TENM2: variants seen among roughly 807,000 people sequenced by gnomAD.
TENM2 encodes the protein teneurin transmembrane protein 2, also known as teneurin-2.
In TENM2, 52 loss-of-function variants were observed where a neutral mutation model predicts 245.2. The ratio of observed to expected loss-of-function variants is 0.21; its 90% CI spans 0.17 to 0.27. The LOEUF (loss-of-function observed/expected upper bound fraction) is 0.27. Ranked by LOEUF, TENM2 falls within the 10% of genes least tolerant of loss-of-function variation. TENM2 has a pLI of 1.00. For missense variants in TENM2, 3,046 were observed against 3,666.8 expected, an observed-to-expected ratio of 0.83 and a Z score of 4.37; for synonymous variants, 1,363 against 1,438.9, an observed-to-expected ratio of 0.95 and a Z score of 1.19.
At chr5:167,160,254 A>C in the TENM2 span, among the ~76,000 whole-genome samples, 2 of 152,354 alleles carry the variant, frequency 1.3e-5, no homozygotes, top group African/African-American at 4.8e-5. Flanking sequence ...GATAACGCCA[A>C]GCCAGCATCC....
At chr5:167,846,346 C>G (rs1770038424) in intron 2 of TENM2, among the ~76,000 whole-genome samples, 1 of 152,202 alleles carries the variant, frequency 6.6e-6, no homozygotes. Flanking sequence ...GTGCTCAGTC[C>G]AGAGTTCCCA....
the TENM2 span, among the ~76,000 whole-genome samples, chr5:167,129,795 A>G: frequency 1.3e-5 from 2 of 152,170 alleles, no homozygotes; most frequent in Non-Finnish European, 2.9e-5. Context: ...ACCCACAAAG[A>G]TTTACAGAAT....
intron 2 of TENM2, among the ~76,000 whole-genome samples, chr5:167,591,745 T>C (rs975447455): frequency 9.2e-5 from 14 of 152,212 alleles, no homozygotes; most frequent in Non-Finnish European, 1.2e-4. Context: ...AAAGGATGCG[T>C]ATATAAAGCC....
rs561320432 is a variant in TENM2 at position 167,871,402 on chromosome 5, C to T, written c.503-4584C>T. 2.5e-3 allele frequency among the ~76,000 whole-genome samples: 364 copies of T among 147,168 alleles called. 1 individual carries two copies. The highest frequency in any genetic ancestry group is 1.3e-3 in the Non-Finnish European group (85 of 67,226). Reference sequence around the variant, plus strand: ...TCAGAGTTAGCACAAAACTGGCTATCGGTACTTTAATCAGGAAAAAAAAAA... The same window carrying T: ...TCAGAGTTAGCACAAAACTGGCTATTGGTACTTTAATCAGGAAAAAAAAAA... On this transcript the variant is annotated intron_variant, in intron 2 of 28. Coordinates refer to ENST00000518659, the Ensembl canonical transcript of TENM2.
At chr5:167,927,544 G>T (rs1484888922) in intron 3 of TENM2, among the ~76,000 whole-genome samples, 2 of 152,168 alleles carry the variant, frequency 1.3e-5, no homozygotes, top group African/African-American at 4.8e-5. Context: ...TTATTTTTAT[G>T]CCAATCCATA....
chr5:167,896,270 G>A (rs2151489736), intron 3 of TENM2, among the ~76,000 whole-genome samples: 1 of 152,316 alleles, frequency 6.6e-6, no homozygotes, highest in African/African-American at 2.4e-5. Flanking sequence ...GGCTTGGAGA[G>A]ACGAGAAAAC....
intron 2 of TENM2, among the ~76,000 whole-genome samples, chr5:167,523,949 C>T (rs766039868): frequency 1.3e-5 from 2 of 152,086 alleles, no homozygotes; most frequent in Non-Finnish European, 2.9e-5. Flanking sequence ...AATTCAAAGT[C>T]GTAAATGTGG....
intron 2 of TENM2, among the ~76,000 whole-genome samples, chr5:167,561,771 T>C (rs1773606741): frequency 6.6e-6 from 1 of 152,170 alleles, no homozygotes. Context: ...GAGACCACAT[T>C]TACATCTTTT....
At chr5:167,793,664 G>A (rs1384855443) in intron 2 of TENM2, among the ~76,000 whole-genome samples, 2 of 150,106 alleles carry the variant, frequency 1.3e-5, no homozygotes, top group South Asian at 2.1e-4. Flanking sequence ...GTGAAACCCC[G>A]TCTCCACCAA....
intron 1 of TENM2, among the ~76,000 whole-genome samples, chr5:167,301,551 G>T (rs1236793911): frequency 2.0e-5 from 3 of 152,188 alleles, no homozygotes; most frequent in Admixed American, 6.5e-5. Flanking sequence ...AAGTCCTGTT[G>T]TGGGGTTGGA....
intron 2 of TENM2, among the ~76,000 whole-genome samples, chr5:167,815,804 A>G (rs1767004147): frequency 6.6e-6 from 1 of 152,084 alleles, no homozygotes; most frequent in African/African-American, 2.4e-5. Context: ...TAATGGATCC[A>G]TATAGATGAG....
intron 1 of TENM2, among the ~76,000 whole-genome samples, chr5:167,306,907 T>G (rs1755712501): frequency 6.6e-6 from 1 of 152,224 alleles, no homozygotes; most frequent in African/African-American, 2.4e-5. Context: ...ATCATCACTC[T>G]GCTAAGGACA....
intron 2 of TENM2, among the ~76,000 whole-genome samples, chr5:167,594,582 T>C (rs1441733968): frequency 6.6e-6 from 1 of 152,228 alleles, no homozygotes; most frequent in Non-Finnish European, 1.5e-5. Flanking sequence ...TAAATTACAA[T>C]GTTTTTATTT....
At chr5:167,452,323 C>G (rs1395374019) in intron 2 of TENM2, among the ~76,000 whole-genome samples, 1 of 152,140 alleles carries the variant, frequency 6.6e-6, no homozygotes, top group Non-Finnish European at 1.5e-5. Context: ...TTATGGCTCT[C>G]TTGTCTTCTC....
At chr5:167,476,799 A>G (rs577827285) in intron 2 of TENM2, among the ~76,000 whole-genome samples, 2 of 152,182 alleles carry the variant, frequency 1.3e-5, no homozygotes, top group African/African-American at 4.8e-5. Context: ...GGTTTTCACC[A>G]TGTTGGCCAG....
chr5:167,801,040 T>C (rs945087055), intron 2 of TENM2, among the ~76,000 whole-genome samples: 2 of 146,064 alleles, frequency 1.4e-5, no homozygotes, highest in Non-Finnish European at 3.0e-5. Flanking sequence ...CGAATAAAGG[T>C]CTTTGACCAT....
At chr5:167,947,306 A>G (rs934654272) in intron 3 of TENM2, among the ~76,000 whole-genome samples, 2 of 152,232 alleles carry the variant, frequency 1.3e-5, no homozygotes, top group African/African-American at 4.8e-5. Context: ...AATATGTGTT[A>G]ATAGCTTGCT....
chr5:167,665,986 C>T (rs900749145), intron 2 of TENM2, among the ~76,000 whole-genome samples: 18 of 152,170 alleles, frequency 1.2e-4, no homozygotes, highest in African/African-American at 3.6e-4. Flanking sequence ...CCTCTGATTC[C>T]ACTACTTGAA....
chr5:167,419,946 G>A (rs1457168028), intron 2 of TENM2, among the ~76,000 whole-genome samples: 1 of 152,146 alleles, frequency 6.6e-6, no homozygotes, highest in Non-Finnish European at 1.5e-5. Context: ...GAGCATGATT[G>A]GAACATTTCA....
Sources: gnomAD v4.1 joint callset for allele counts (sites outside exome capture counted in the v4.1 genomes callset) on GRCh38, gnomAD v4.1.1 for gene constraint, MANE v1.5 for transcripts, NCBI Gene and HGNC (gene_info 2026-07-23, HGNC 2026-07-21) for gene names.